The following OXCT1 variants were observed in gnomAD, a reference collection of about 807,000 sequenced individuals.
The protein encoded by OXCT1 is 3-oxoacid CoA-transferase 1.
A neutral mutation model predicts 69.6 loss-of-function variants in OXCT1; 27 were observed. That is an observed-to-expected ratio of 0.39 (90% confidence interval 0.29 to 0.54). OXCT1 has a LOEUF of 0.54. Among genes scored for constraint, OXCT1 ranks in the 20% least tolerant of loss-of-function variants. OXCT1 has a pLI of 0.72. For missense variants in OXCT1, 437 were observed against 650.2 expected, an observed-to-expected ratio of 0.67 and a Z score of 3.57; for synonymous variants, 202 against 217.8, an observed-to-expected ratio of 0.93 and a Z score of 0.64.
chr5:41,792,277 C>T (rs1745961047), intron 13 of OXCT1, among the ~76,000 whole-genome samples: 1 of 152,202 alleles, frequency 6.6e-6, no homozygotes, highest in Admixed American at 6.5e-5. Context: ...GCTCAAGTTA[C>T]ACTGCCAGCA....
chr5:41,808,084 A>G (rs1003924586), intron 7 of OXCT1, among the ~76,000 whole-genome samples: 12 of 152,106 alleles, frequency 7.9e-5, no homozygotes, highest in African/African-American at 2.9e-4. Flanking sequence ...TTCACCAAGA[A>G]TAAGGTCATA....
At chr5:41,842,212 T>C (rs1159029957) in intron 6 of OXCT1, among the ~76,000 whole-genome samples, 3 of 152,200 alleles carry the variant, frequency 2.0e-5, no homozygotes, top group African/African-American at 7.2e-5. Context: ...AGATAGAACC[T>C]TTGTAAGCAT....
chr5:41,793,943 GT>G lies in OXCT1; in HGVS notation c.1248+59del. 5.1e-6 allele frequency: 5 copies of G among 987,880 alleles called. No homozygotes were observed. The South Asian group carries it at 6.6e-5, about 13-fold the overall frequency. The allele number at this position is 987,880 out of a possible 1,614,324, so 61.2% of individuals were successfully genotyped here. On this transcript the variant is annotated intron_variant, in intron 13 of 16. Transcript: ENST00000196371. ...CGTGATCTCATGGCCCTTTTTCTTA[GT>G]ATTTAAAATATAATTATTCTGATCC...
chr5:41,811,233 C>T (rs147860223), intron 7 of OXCT1, among the ~76,000 whole-genome samples: 2 of 151,914 alleles, frequency 1.3e-5, no homozygotes, highest in South Asian at 2.1e-4. Flanking sequence ...TAAGACCTCA[C>T]GTTCAATAGA....
chr5:41,731,692 A>G lies in OXCT1; in HGVS notation c.*37T>C. 6.3e-7 allele frequency: 1 copy of G among 1,586,650 alleles called. No homozygotes were observed. Among genetic ancestry groups the G allele is most frequent in the Non-Finnish European group, 8.6e-7 (1 of 1,164,480 alleles). On this transcript the variant is annotated 3_prime_UTR_variant, in exon 17 of 17. Transcript: ENST00000196371. ...TTTCAATTAAATCTTGTGTGTTTAA[A>G]ATGAAAAACACGCAGCCTGGTACAA...
chr5:41,809,851 G>A (rs912550690), intron 7 of OXCT1, among the ~76,000 whole-genome samples: 1 of 152,000 alleles, frequency 6.6e-6, no homozygotes, highest in Non-Finnish European at 1.5e-5. Flanking sequence ...CAAGAATCTA[G>A]CTAAACATAA....
In OXCT1 at chr5:41,739,391, G is replaced by A. The variant is rs745896456; in HGVS notation, c.1520C>T (p.Ala507Val). Residue 507 changes from alanine (A) to valine (V), a missense_variant and splice_region_variant, in exon 16 of 17, where the codon GCA becomes GTA. This residue lies in a region of OXCT1 where 102 missense variants were observed against 162.1 expected (regional missense o/e 0.63). Coordinates refer to ENST00000196371, the MANE Select transcript of OXCT1 (RefSeq NM_000436.4). ...DVQKSTGCDF[A>V]VSPKLMPMQQ... ...GGATTTGTTCACAGAAATACTTACT[G>A]CAAAATCACACCCAGTACTCTTCTG... 2.5e-6 allele frequency: 4 copies of A among 1,597,188 alleles called. No individual in the cohort carries two copies. In the East Asian group the frequency reaches 8.9e-5, roughly 36 times the overall value.
At chr5:41,739,558 C>A in intron 15 of OXCT1, 67 bp from the exon 16 acceptor site, 1 of 1,217,650 alleles carries the variant, frequency 8.2e-7, no homozygotes, top group Non-Finnish European at 1.2e-6. Context: ...TGGCACAAAA[C>A]AGAAATAACC....
At chr5:41,807,126 T>A (rs559620885) in intron 8 of OXCT1, among the ~76,000 whole-genome samples, 3 of 152,020 alleles carry the variant, frequency 2.0e-5, no homozygotes, top group South Asian at 4.1e-4. Context: ...GTGATACATA[T>A]CTTGTGATGA....
At chr5:41,781,779 A>G (rs541493702) in intron 13 of OXCT1, among the ~76,000 whole-genome samples, 6 of 152,324 alleles carry the variant, frequency 3.9e-5, no homozygotes, top group African/African-American at 1.4e-4. Context: ...TGCAAAGAAC[A>G]TGATCTCGTT....
At chr5:41,757,747 G>A (rs1744153184) in intron 14 of OXCT1, among the ~76,000 whole-genome samples, 1 of 152,072 alleles carries the variant, frequency 6.6e-6, no homozygotes, top group Admixed American at 6.6e-5. Flanking sequence ...GTAGGAATAA[G>A]CCAGATAAAG....
At chr5:41,751,386 G>A (rs1360111532) in intron 14 of OXCT1, among the ~76,000 whole-genome samples, 2 of 152,114 alleles carry the variant, frequency 1.3e-5, no homozygotes, top group East Asian at 3.9e-4. Context: ...GAGGAATCAA[G>A]GATTTCAACT....
At chr5:41,856,841 T>C (rs1223341269) in intron 3 of OXCT1, among the ~76,000 whole-genome samples, 1 of 152,130 alleles carries the variant, frequency 6.6e-6, no homozygotes. Context: ...CCACTAGAGG[T>C]CACCAGAGGC....
rs148089241 is a variant in OXCT1, at chr5:41,842,686, G to A, written c.660C>T (p.Asn220=). The change falls in exon 6 of 17, where the codon AAC becomes AAT. Residue 220 remains asparagine (N), a synonymous_variant. Transcript: ENST00000196371. ...AACTATCACAATACCTGAAAATCAC[G>A]TTTCCTGCTCGGTCCGCCTTCCAGG... ...VKAWKADRAG[N]VIFRKSARNF... 4.7e-4 allele frequency: 750 copies of A among 1,611,232 alleles called. No homozygotes were observed. The African/African-American group carries it at 7.0e-3, about 15-fold the overall frequency.
At chr5:41,859,239 A>T (rs1197723288) in intron 3 of OXCT1, among the ~76,000 whole-genome samples, 2 of 152,200 alleles carry the variant, frequency 1.3e-5, no homozygotes, top group East Asian at 3.8e-4. Context: ...CCCAAAACAC[A>T]AGAGTAGTGG....
chr5:41,748,738 G>C (rs2112043761), intron 15 of OXCT1, among the ~76,000 whole-genome samples: 1 of 152,142 alleles, frequency 6.6e-6, no homozygotes, highest in East Asian at 1.9e-4. Flanking sequence ...TAGCGAGTCA[G>C]ATTAATGCCA....
chr5:41,860,894 T>C (rs1488370433), intron 3 of OXCT1, among the ~76,000 whole-genome samples: 1 of 152,088 alleles, frequency 6.6e-6, no homozygotes, highest in Non-Finnish European at 1.5e-5. Flanking sequence ...ATGGCATTGC[T>C]AAAAGAAAGG....
At position 41,870,368 on chromosome 5, in the gene OXCT1, G is replaced by C; in HGVS notation, c.-10C>G. ...GTTTGAGAGCCGCCATCTTCGGGCG[G>C]TGAGGCAGGAGGAGGCTGCGGGTTG... On this transcript the variant is annotated 5_prime_UTR_variant, in exon 1 of 17. Transcript: ENST00000196371. The surrounding 1 kb of genome is among the most constrained non-coding windows in gnomAD (Gnocchi z 4.2). 1 of 1,610,948 alleles carries C rather than the reference G, an allele frequency of 6.2e-7. No individual in the cohort carries two copies. Among genetic ancestry groups the C allele is most frequent in the Non-Finnish European group, 8.5e-7 (1 of 1,178,270 alleles).
intron 1 of OXCT1, among the ~76,000 whole-genome samples, chr5:41,865,238 G>T (rs1349550769): frequency 1.3e-5 from 2 of 151,908 alleles, no homozygotes; most frequent in African/African-American, 2.4e-5. Context: ...CCTCTCCCCT[G>T]CCCACAAATA....
Sources: gnomAD v4.1 joint callset for allele counts (sites outside exome capture counted in the v4.1 genomes callset) on GRCh38, gnomAD v4.1.1 for gene constraint, gnomAD v4.1.1 regional missense constraint, Gnocchi (gnomAD v3.1) non-coding constraint, MANE v1.5 for transcripts, NCBI Gene and HGNC (gene_info 2026-07-23, HGNC 2026-07-21) for gene names.